The following DLGAP2 variants were observed in gnomAD, a reference collection of about 807,000 sequenced individuals.
The protein encoded by DLGAP2 is DLG associated protein 2.
A neutral mutation model predicts 100.3 loss-of-function variants in DLGAP2; 26 were observed. The ratio of observed to expected loss-of-function variants is 0.26; its 90% CI spans 0.19 to 0.36. DLGAP2 has a LOEUF of 0.36. Ranked by LOEUF, DLGAP2 falls within the 10% of genes least tolerant of loss-of-function variation. The pLI is 1.00. For synonymous variants in DLGAP2, 886 were observed against 630.1 expected, an observed-to-expected ratio of 1.41 and a Z score of -6.08; for missense variants, 1,858 against 1,453.2, an observed-to-expected ratio of 1.28 and a Z score of -4.53.
chr8:1,610,507 A>G (rs1415173969), intron 6 of DLGAP2, among the ~76,000 whole-genome samples: 1 of 142,868 alleles, frequency 7.0e-6, no homozygotes, highest in Non-Finnish European at 1.5e-5. Context: ...ACACATTCAA[A>G]AGCTAGCAGA....
At chr8:1,613,954 C>T (rs538442714) in intron 6 of DLGAP2, among the ~76,000 whole-genome samples, 5 of 152,182 alleles carry the variant, frequency 3.3e-5, no homozygotes, top group African/African-American at 4.8e-5. Context: ...CAACTATTCC[C>T]GGTACAAATA....
intron 2 of DLGAP2, among the ~76,000 whole-genome samples, chr8:1,183,480 AC>A (rs1321860802): frequency 6.6e-6 from 1 of 152,148 alleles, no homozygotes; most frequent in Admixed American, 6.5e-5. Context: ...GCAAATGTTT[AC>A]TTGTCAGGAA....
intron 2 of DLGAP2, among the ~76,000 whole-genome samples, chr8:1,119,675 T>C (rs1296680432): frequency 6.6e-6 from 1 of 152,236 alleles, no homozygotes; most frequent in East Asian, 1.9e-4. Context: ...GTGAGAGGCT[T>C]CGCCACTCAA....
intron 3 of DLGAP2, among the ~76,000 whole-genome samples, chr8:1,308,142 T>G (rs146629526): frequency 6.6e-6 from 1 of 152,194 alleles, no homozygotes; most frequent in Non-Finnish European, 1.5e-5. Flanking sequence ...GTCCCTGGGC[T>G]CGTTGCAAGC....
chr8:955,613 T>A (rs1799579246), intron 2 of DLGAP2, among the ~76,000 whole-genome samples: 1 of 152,222 alleles, frequency 6.6e-6, no homozygotes, highest in Admixed American at 6.5e-5. Flanking sequence ...GATCTACTAC[T>A]TGGAGTGACA....
intron 3 of DLGAP2, among the ~76,000 whole-genome samples, chr8:1,324,980 A>G (rs978084943): frequency 6.6e-6 from 1 of 152,158 alleles, no homozygotes; most frequent in Non-Finnish European, 1.5e-5. Context: ...TTACGGATTC[A>G]CAAATATCCG....
intron 6 of DLGAP2, among the ~76,000 whole-genome samples, chr8:1,608,294 C>T (rs1463020589): frequency 6.4e-4 from 69 of 108,558 alleles, no homozygotes; most frequent in South Asian, 3.0e-3. Context: ...ACACCTCACA[C>T]GGCAGGGTAT....
rs78458797 is a variant in DLGAP2 at position 1,391,199 on chromosome 8, T to C, written c.107-110167T>C. Among the ~76,000 whole-genome samples, 281 of 152,322 alleles carry C rather than the reference T, an allele frequency of 1.8e-3. 7 individuals are homozygous for C. In the East Asian group the frequency reaches 0.049, roughly 26 times the overall value. ...GGAAAGATTAACTCAGAAGTTCCCATGGGGACATTGTGCAGGATGTTGAAT... is the reference window on the plus strand; with the variant it reads ...GGAAAGATTAACTCAGAAGTTCCCACGGGGACATTGTGCAGGATGTTGAAT... On this transcript the variant is annotated intron_variant, in intron 3 of 14. Coordinates refer to ENST00000637795, the MANE Select transcript of DLGAP2 (RefSeq NM_001346810.2).
At chr8:1,523,791 T>C (rs1479662268) in intron 4 of DLGAP2, among the ~76,000 whole-genome samples, 1 of 152,214 alleles carries the variant, frequency 6.6e-6, no homozygotes, top group Non-Finnish European at 1.5e-5. Flanking sequence ...GGGCCATCCA[T>C]GGTGGCCTCC....
intron 1 of DLGAP2, among the ~76,000 whole-genome samples, chr8:828,002 T>G (rs917434508): frequency 2.0e-5 from 3 of 152,028 alleles, no homozygotes; most frequent in Non-Finnish European, 4.4e-5. Flanking sequence ...TTATTAGGGA[T>G]TTTCAAAAGG....
At chr8:962,422 C>T (rs189428023) in intron 2 of DLGAP2, among the ~76,000 whole-genome samples, 116 of 152,278 alleles carry the variant, frequency 7.6e-4, no homozygotes, top group African/African-American at 2.7e-3. Context: ...AGTCGCTTGC[C>T]TTTGGAGTCA....
intron 6 of DLGAP2, among the ~76,000 whole-genome samples, chr8:1,616,867 T>A (rs890959331): frequency 6.6e-6 from 1 of 152,142 alleles, no homozygotes; most frequent in Non-Finnish European, 1.5e-5. Context: ...AATAGGTATT[T>A]TTTTCTGATC....
intron 2 of DLGAP2, among the ~76,000 whole-genome samples, chr8:1,146,836 A>C (rs115238561): frequency 0.017 from 2,635 of 152,294 alleles, 74 homozygotes; most frequent in African/African-American, 0.06. Context: ...GGCCTGTTTC[A>C]GGGCTGCCTA....
intron 3 of DLGAP2, among the ~76,000 whole-genome samples, chr8:1,340,390 G>A (rs945688707): frequency 1.3e-5 from 2 of 152,100 alleles, no homozygotes; most frequent in African/African-American, 4.8e-5. Context: ...ACATTTGTAA[G>A]AAAAAAACCA....
At chr8:1,494,094 C>T (rs1050498425) in intron 3 of DLGAP2, among the ~76,000 whole-genome samples, 3 of 152,186 alleles carry the variant, frequency 2.0e-5, no homozygotes, top group African/African-American at 7.2e-5. Flanking sequence ...CTCTGCAGGG[C>T]AGGAAAGGCT....
At position 1,125,335 on chromosome 8, in the gene DLGAP2, C is replaced by T. The variant is rs1361498810; in HGVS notation, c.74-133516C>T. Among the ~76,000 whole-genome samples the T allele has an allele frequency of 4.6e-5, 7 of 152,108 alleles. No individual in the cohort carries two copies. The East Asian group carries it at 1.3e-3, about 29-fold the overall frequency. ...TTGGAATCGAAATTCTACTGCATCC[C>T]GGACAAATACCTGGATCTTGATCAA... On this transcript the variant is annotated intron_variant, in intron 2 of 14. Coordinates refer to ENST00000637795, the MANE Select transcript of DLGAP2 (RefSeq NM_001346810.2).
At chr8:1,614,097 C>A (rs1357571122) in intron 6 of DLGAP2, among the ~76,000 whole-genome samples, 1 of 152,116 alleles carries the variant, frequency 6.6e-6, no homozygotes, top group Non-Finnish European at 1.5e-5. Context: ...CAAGTGTATG[C>A]CCTGGCTTCA....
chr8:802,012 G>C (rs1400453597), intron 1 of DLGAP2, among the ~76,000 whole-genome samples: 1 of 148,468 alleles, frequency 6.7e-6, no homozygotes, highest in African/African-American at 2.5e-5. Context: ...CTGAGGAACA[G>C]TCCGCACCCC....
At chr8:879,954 G>C (rs113333358) in intron 1 of DLGAP2, among the ~76,000 whole-genome samples, 2,623 of 152,102 alleles carry the variant, frequency 0.017, 69 homozygotes, top group African/African-American at 0.059. Context: ...CATATCCCTC[G>C]AGTCTGCAGC....
Sources: allele counts gnomAD v4.1 joint callset (sites outside exome capture counted in the v4.1 genomes callset), GRCh38; gene constraint gnomAD v4.1.1; transcripts MANE v1.5; gene names NCBI Gene and HGNC (gene_info 2026-07-23, HGNC 2026-07-21).